Variants in CYP4F11 observed in about 807,000 individuals in gnomAD.
CYP4F11 encodes the protein cytochrome P450 4F11.
CYP4F11 carries 79 observed loss-of-function variants against 62.2 expected under a neutral mutation model. The observed-to-expected ratio is 1.27, with a 90% CI of 1.06 to 1.53. CYP4F11 has a LOEUF of 1.53. CYP4F11 is among the 40% of genes most tolerant of loss of function. The pLI is 0.00. For synonymous variants in CYP4F11, 290 were observed against 263.7 expected, an observed-to-expected ratio of 1.10 and a Z score of -0.97; for missense variants, 777 against 680.5, an observed-to-expected ratio of 1.14 and a Z score of -1.58.
At chr19:15,920,467 A>C (rs932727314) in intron 8 of CYP4F11, among the ~76,000 whole-genome samples, 5 of 152,186 alleles carry the variant, frequency 3.3e-5, no homozygotes, top group African/African-American at 1.2e-4. Flanking sequence ...TTTTTATCAA[A>C]ATTTTTGGAC....
chr19:15,923,700 CA>C, intron 6 of CYP4F11, 111 bp downstream of exon 6: 1 of 1,429,300 alleles, frequency 7.0e-7, no homozygotes, highest in African/African-American at 1.4e-5. Flanking sequence ...CTGTCTTTTT[CA>C]AGCATGTTCC....
Position 15,914,604 on chromosome 19 carries a change from C to T in CYP4F11, c.1312G>A (p.Glu438Lys), listed in dbSNP as rs1206239930. 3 of 1,614,180 alleles carry T rather than the reference C, an allele frequency of 1.9e-6. No individual in the cohort carries two copies. In the South Asian group the frequency reaches 3.3e-5, roughly 18 times the overall value. Reference sequence around the variant, plus strand: ...GGGTGGGGTGAGGGAGGCACTACCTCAGGGTCTGGCCACACAGTTGGGTTG... The same window carrying T: ...GGGTGGGGTGAGGGAGGCACTACCTTAGGGTCTGGCCACACAGTTGGGTTG... ...HYNPTVWPDPEVYDPFRFDQE... is the reference protein window; with the variant it reads ...HYNPTVWPDPKVYDPFRFDQE... Residue 438 changes from glutamate (E) to lysine (K), a missense_variant and splice_region_variant, in exon 10 of 12, where the codon GAG becomes AAG. Physicochemically the swap from Glu to Lys is moderately conservative, Grantham distance 56. Coordinates refer to ENST00000402119, the MANE Select transcript of CYP4F11 (RefSeq NM_021187.4).
chr19:15,929,772 A>T (rs761391973), intron 1 of CYP4F11, among the ~76,000 whole-genome samples, 171 bp from the exon 2 acceptor site: 1 of 152,234 alleles, frequency 6.6e-6, no homozygotes, highest in Non-Finnish European at 1.5e-5. Flanking sequence ...TCACATTTGA[A>T]TAGGTAAACT....
chr19:15,923,155 A>T (rs1239877224), intron 6 of CYP4F11, among the ~76,000 whole-genome samples: 1 of 152,046 alleles, frequency 6.6e-6, no homozygotes. Flanking sequence ...TCCAGAAGGC[A>T]TCTGGGTTAT....
intron 8 of CYP4F11, among the ~76,000 whole-genome samples, chr19:15,919,359 A>T (rs2089605724): frequency 6.6e-6 from 1 of 151,126 alleles, no homozygotes; most frequent in South Asian, 2.1e-4. Context: ...GGATGGATAG[A>T]TAGATAGATA....
intron 5 of CYP4F11, 89 bp downstream of exon 5, chr19:15,924,672 C>T: frequency 1.3e-6 from 2 of 1,519,998 alleles, no homozygotes; most frequent in Non-Finnish European, 1.8e-6. Context: ...TTCAGAAAGG[C>T]ACTTCTGGTT....
At chr19:15,928,997 A>G (rs557286652) in intron 2 of CYP4F11, among the ~76,000 whole-genome samples, 1 of 152,172 alleles carries the variant, frequency 6.6e-6, no homozygotes, top group Non-Finnish European at 1.5e-5. Flanking sequence ...AATGATGTCC[A>G]CTGCATCACC....
intron 2 of CYP4F11, among the ~76,000 whole-genome samples, chr19:15,928,277 T>A (rs2089685230): frequency 6.6e-6 from 1 of 152,126 alleles, no homozygotes. Context: ...GCCCCACACA[T>A]GATGACTTCT....
intron 8 of CYP4F11, among the ~76,000 whole-genome samples, chr19:15,921,001 C>T (rs1254079337): frequency 6.6e-6 from 1 of 151,096 alleles, no homozygotes; most frequent in East Asian, 1.9e-4. Flanking sequence ...TCTTTTCTTT[C>T]TCTTCTCTCT....
At chr19:15,917,404 A>C (rs747835156) in intron 8 of CYP4F11, among the ~76,000 whole-genome samples, 1 of 152,168 alleles carries the variant, frequency 6.6e-6, no homozygotes, top group African/African-American at 2.4e-5. Flanking sequence ...TGAAATAAAA[A>C]CAGAAGAGAA....
intron 8 of CYP4F11, among the ~76,000 whole-genome samples, chr19:15,921,054 G>GTCTCTCTCTCTCTCTCTCTCTC (rs60842401): frequency 1.9e-4 from 23 of 122,386 alleles, no homozygotes; most frequent in Non-Finnish European, 1.9e-4. Flanking sequence ...CTCTCTTTCT[G>GTCTCTCTCTCTCTCTCTCTCTC]TCTCTCTCTC....
intron 10 of CYP4F11, 52 bp downstream of exon 10, chr19:15,914,550 T>C: frequency 6.2e-7 from 1 of 1,607,804 alleles, no homozygotes; most frequent in Non-Finnish European, 8.5e-7. Flanking sequence ...TGTCACCTCC[T>C]CTAGGAACCT....
At chr19:15,926,168 A>T (rs1345635923) in intron 4 of CYP4F11, among the ~76,000 whole-genome samples, 1 of 151,986 alleles carries the variant, frequency 6.6e-6, no homozygotes, top group Non-Finnish European at 1.5e-5. Context: ...CAGAAAAAAA[A>T]AAAAAAGAAA....
In CYP4F11 at chr19:15,914,833, G is replaced by T. The variant is rs2089570688; in HGVS notation, c.1178C>A (p.Pro393His). ...ACATCGGGAGATGACCGGGACTGGG[G>T]GATGCAACCGCAGGCTCTCCTTAAT... ...MCIKESLRLH[P>H]PVPVISRCCT... The change falls in exon 9 of 12, where the codon CCC becomes CAC. Residue 393 changes from proline to histidine, a missense_variant. Coordinates refer to ENST00000402119, the MANE Select transcript of CYP4F11 (RefSeq NM_021187.4). 1 of 1,614,150 alleles carries T rather than the reference G, an allele frequency of 6.2e-7. No homozygotes were observed. The highest frequency in any genetic ancestry group is 8.5e-7 in the Non-Finnish European group (1 of 1,180,024).
rs369726157 is a variant in CYP4F11 at position 15,922,175 on chromosome 19, C to A, written c.986-9G>T. The A allele has an allele frequency of 2.0e-5, 32 of 1,605,234 alleles. No homozygotes were observed. In the African/African-American group the frequency reaches 4.0e-4, roughly 20 times the overall value. On this transcript the variant is annotated splice_polypyrimidine_tract_variant and intron_variant, in intron 7 of 11. Transcript: ENST00000402119. ...GGCTGTAGTGTCATGGCCTGAGGGG[C>A]AGCCAAGCAAAACTGGGTTTCTGGG...
intron 1 of CYP4F11, 75 bp downstream of exon 1, chr19:15,934,136 C>G: frequency 1.3e-6 from 2 of 1,524,058 alleles, no homozygotes; most frequent in Non-Finnish European, 1.8e-6. Context: ...AAACCCAGCT[C>G]CCTGAGCCCC....
Position 15,914,383 on chromosome 19 carries a change from T to C in CYP4F11, c.1319A>G (p.Tyr440Cys), listed in dbSNP as rs202025937. ...NPTVWPDPEV[Y>C]DPFRFDQENI... The stretch of plus-strand genomic sequence containing the variant: ...CTCTTGGTCGAAACGGAAGGGGTCG[T>C]AGACCTGCAGGTGAGACCAAGAAGG... The change falls in exon 11 of 12, where the codon TAC (tyrosine) becomes TGC (cysteine). Residue 440 changes from tyrosine (Y) to cysteine (C), a missense_variant. Physicochemically the swap from Tyr to Cys is radical, Grantham distance 194. Coordinates refer to ENST00000402119, the MANE Select transcript of CYP4F11 (RefSeq NM_021187.4). The C allele has an allele frequency of 5.1e-5, 82 of 1,613,688 alleles. No homozygotes were observed. Among genetic ancestry groups the C allele is most frequent in the Non-Finnish European group, 6.4e-5 (75 of 1,179,832 alleles).
At chr19:15,913,945 T>C in intron 11 of CYP4F11, 36 bp from the exon 12 acceptor site, 1 of 1,587,786 alleles carries the variant, frequency 6.3e-7, no homozygotes, top group Non-Finnish European at 8.6e-7. Flanking sequence ...ACTGTGCCCA[T>C]GACCCCCATC....
chr19:15,918,140 C>T (rs1047836127), intron 8 of CYP4F11, among the ~76,000 whole-genome samples: 1 of 152,126 alleles, frequency 6.6e-6, no homozygotes, highest in Non-Finnish European at 1.5e-5. Flanking sequence ...TTTGCAGGAA[C>T]ATGGATGGAG....
Sources: allele counts gnomAD v4.1 joint callset (sites outside exome capture counted in the v4.1 genomes callset), GRCh38; gene constraint gnomAD v4.1.1; transcripts MANE v1.5; gene names NCBI Gene and HGNC (gene_info 2026-07-23, HGNC 2026-07-21).